GLI2: variants seen among roughly 807,000 people sequenced by gnomAD.
The protein encoded by GLI2 is GLI family zinc finger 2, also known as transcription activator GLI2.
In GLI2, 22 loss-of-function variants were observed where a neutral mutation model predicts 78.9. That is an observed-to-expected ratio of 0.28 (90% confidence interval 0.20 to 0.40). GLI2 has a LOEUF of 0.40. Ranked by LOEUF, GLI2 falls within the 10% of genes least tolerant of loss-of-function variation. The probability of loss-of-function intolerance (pLI) is 1.00; values close to 1 mark genes in which losing one functional copy is unlikely to be tolerated. For missense variants in GLI2, 2,097 were observed against 2,213.2 expected (o/e 0.95, Z 1.05); for synonymous variants, 974 against 963.7 (o/e 1.01, Z -0.20).
At chr2:120,827,489 G>A (rs1686136844) in intron 2 of GLI2, among the ~76,000 whole-genome samples, 1 of 152,220 alleles carries the variant, frequency 6.6e-6, no homozygotes, top group South Asian at 2.1e-4. Flanking sequence ...GAGTTCCTTG[G>A]AAAATGAAAC....
intron 3 of GLI2, among the ~76,000 whole-genome samples, chr2:120,934,771 T>A (rs200258603): frequency 6.6e-6 from 1 of 152,094 alleles, no homozygotes; most frequent in East Asian, 1.9e-4. Context: ...TTTAGCCGGG[T>A]GTCGGTGTGC....
Position 120,990,127 on chromosome 2 carries a change from G to A in GLI2, c.4162G>A (p.Ala1388Thr). The A allele has an allele frequency of 6.2e-7, 1 of 1,605,644 alleles. No individual in the cohort carries two copies. The highest frequency in any genetic ancestry group is 8.5e-7 in the Non-Finnish European group (1 of 1,174,626). Residue 1388 changes from alanine to threonine, a missense_variant, in exon 14 of 14, where the codon GCC becomes ACC. Physicochemically the swap from Ala to Thr is moderately conservative, Grantham distance 58. Coordinates refer to ENST00000361492, the MANE Select transcript of GLI2 (RefSeq NM_001374353.1). ...YARATGHAMA[A>T]MPSSQETAEA... ...CAGGGCCACAGGCCATGCCATGGCT[G>A]CCATGCCGTCCAGTCAGGAAACAGC...
intron 2 of GLI2, among the ~76,000 whole-genome samples, chr2:120,838,561 T>A (rs1686721565): frequency 6.6e-6 from 1 of 152,250 alleles, no homozygotes; most frequent in South Asian, 2.1e-4. Flanking sequence ...CATTTAATTT[T>A]AAAATTTCTG....
chr2:120,981,680 G>A (rs1399353741), intron 10 of GLI2, among the ~76,000 whole-genome samples: 3 of 152,144 alleles, frequency 2.0e-5, no homozygotes, highest in Admixed American at 6.5e-5. Flanking sequence ...CCGGGTGTAC[G>A]TGTCCTCCTG....
intron 1 of GLI2, among the ~76,000 whole-genome samples, chr2:120,740,605 G>A (rs557983339): frequency 6.6e-6 from 1 of 152,290 alleles, no homozygotes; most frequent in East Asian, 1.9e-4. Context: ...AGATTCTTCT[G>A]CAGCCCCGAG....
chr2:120,978,299 T>C, intron 9 of GLI2, 135 bp from the exon 10 acceptor site: 2 of 890,090 alleles, frequency 2.2e-6, no homozygotes, highest in Non-Finnish European at 3.8e-6. Context: ...ATAGGTGTGG[T>C]CAGCAGGGTG....
At chr2:120,953,920 G>A (rs539640336) in intron 4 of GLI2, among the ~76,000 whole-genome samples, 6 of 152,260 alleles carry the variant, frequency 3.9e-5, no homozygotes, top group South Asian at 4.1e-4. Flanking sequence ...GGCCTTCGAC[G>A]GATGGAGTGC....
intron 2 of GLI2, among the ~76,000 whole-genome samples, chr2:120,864,557 C>T (rs560909967): frequency 1.2e-3 from 190 of 152,244 alleles, no homozygotes; most frequent in Non-Finnish European, 2.3e-3. Context: ...CTGCAAGCTC[C>T]GCCTCCCAGG....
chr2:120,831,756 T>C (rs1366600929), intron 2 of GLI2, among the ~76,000 whole-genome samples: 2 of 152,196 alleles, frequency 1.3e-5, no homozygotes, highest in Non-Finnish European at 2.9e-5. Context: ...CCAGCTCTGA[T>C]TCTTACCAAC....
intron 2 of GLI2, among the ~76,000 whole-genome samples, chr2:120,896,638 T>TACACACAC (rs149519455): frequency 8.4e-5 from 10 of 119,346 alleles, no homozygotes; most frequent in African/African-American, 1.2e-4. Context: ...AAAACACACA[T>TACACACAC]ACACACACAC....
At chr2:120,910,855 C>T (rs961221715) in intron 2 of GLI2, among the ~76,000 whole-genome samples, 1 of 152,254 alleles carries the variant, frequency 6.6e-6, no homozygotes, top group Admixed American at 6.5e-5. Flanking sequence ...ATGGCAGACC[C>T]ATTCTGTTTT....
chr2:120,762,961 C>G (rs1188816733), intron 1 of GLI2, among the ~76,000 whole-genome samples: 1 of 152,184 alleles, frequency 6.6e-6, no homozygotes, highest in African/African-American at 2.4e-5. Flanking sequence ...ACTTTGAGGC[C>G]AAGGTTAGGG....
intron 1 of GLI2, among the ~76,000 whole-genome samples, chr2:120,740,397 G>T (rs1290983130): frequency 9.9e-5 from 15 of 151,284 alleles, no homozygotes. Context: ...GGTTTAAATT[G>T]AATAATGTTT....
chr2:120,812,217 A>C (rs933338989), intron 2 of GLI2, among the ~76,000 whole-genome samples: 1 of 152,214 alleles, frequency 6.6e-6, no homozygotes, highest in African/African-American at 2.4e-5. Context: ...AGCCAGCTGC[A>C]GGCTGAAGAG....
intron 2 of GLI2, among the ~76,000 whole-genome samples, chr2:120,908,739 G>A (rs72955352): frequency 6.3e-4 from 96 of 152,322 alleles, no homozygotes; most frequent in African/African-American, 2.2e-3. Flanking sequence ...CAATGTTATG[G>A]GAACAGCTCC....
At chr2:120,938,686 G>A (rs1680306876) in intron 3 of GLI2, among the ~76,000 whole-genome samples, 1 of 152,238 alleles carries the variant, frequency 6.6e-6, no homozygotes, top group Non-Finnish European at 1.5e-5. Flanking sequence ...GCATATATGG[G>A]ATGCGTGTTT....
rs1682624774 is a variant in GLI2 at position 120,743,929 on chromosome 2, C to A, written c.-31+7644C>A. ...GTACCCCCTGGGGAGAGTTGGGTGCCTGTCAAGGAATATGTCCTGCCTCTC... is the reference window on the plus strand; with the variant it reads ...GTACCCCCTGGGGAGAGTTGGGTGCATGTCAAGGAATATGTCCTGCCTCTC... On this transcript the variant is annotated intron_variant, in intron 1 of 13. Coordinates refer to ENST00000361492, the MANE Select transcript of GLI2 (RefSeq NM_001374353.1). Among the ~76,000 whole-genome samples, 3 of 152,300 alleles carry A rather than the reference C, an allele frequency of 2.0e-5. No individual in the cohort carries two copies. In the South Asian group the frequency reaches 6.2e-4, roughly 32 times the overall value.
At chr2:120,793,247 G>A (rs749297898) in intron 1 of GLI2, among the ~76,000 whole-genome samples, 4 of 152,252 alleles carry the variant, frequency 2.6e-5, no homozygotes, top group Non-Finnish European at 5.9e-5. Flanking sequence ...GAGTGTGGCT[G>A]TGTTTCCTTC....
At chr2:120,967,750 T>C (rs999284355) in intron 5 of GLI2, among the ~76,000 whole-genome samples, 2 of 152,254 alleles carry the variant, frequency 1.3e-5, no homozygotes, top group Non-Finnish European at 2.9e-5. Context: ...TGCATGCATG[T>C]GGTGTGCACA....
Sources: gnomAD v4.1 joint callset for allele counts (sites outside exome capture counted in the v4.1 genomes callset) on GRCh38, gnomAD v4.1.1 for gene constraint, MANE v1.5 for transcripts, NCBI Gene and HGNC (gene_info 2026-07-23, HGNC 2026-07-21) for gene names.